Variants in NEK11 observed in about 807,000 individuals in gnomAD.
NEK11 encodes serine/threonine-protein kinase Nek11.
NEK11 carries 72 observed loss-of-function variants against 80.7 expected under a neutral mutation model. The ratio of observed to expected loss-of-function variants is 0.89; its 90% CI spans 0.74 to 1.08. The LOEUF is 1.08. NEK11 is among the 50% of genes least tolerant of loss of function. The pLI, the probability that NEK11 is intolerant of heterozygous loss-of-function variation, is 0.00. For synonymous variants in NEK11, 251 were observed against 260.7 expected (o/e 0.96, Z 0.36); for missense variants, 764 against 763.6 (o/e 1.00, Z -0.01).
intron 14 of NEK11, among the ~76,000 whole-genome samples, chr3:131,181,911 G>C (rs915426285): frequency 6.6e-6 from 1 of 150,886 alleles, no homozygotes; most frequent in South Asian, 2.1e-4. Context: ...AGTTTTTTTT[G>C]TTGAAGTGAT....
intron 3 of NEK11, among the ~76,000 whole-genome samples, chr3:131,079,847 G>A (rs529285645): frequency 1.3e-5 from 2 of 152,138 alleles, no homozygotes; most frequent in African/African-American, 2.4e-5. Context: ...ATATTAAGTC[G>A]ATATATTTGG....
intron 14 of NEK11, among the ~76,000 whole-genome samples, chr3:131,196,846 CTTT>C (rs112705042): frequency 8.0e-5 from 11 of 138,072 alleles, no homozygotes; most frequent in Admixed American, 1.4e-4. Flanking sequence ...CTTTTCTTTT[CTTT>C]TTTTTTTTTT....
At chr3:131,135,099 A>C (rs2085307778) in intron 7 of NEK11, among the ~76,000 whole-genome samples, 1 of 152,184 alleles carries the variant, frequency 6.6e-6, no homozygotes, top group South Asian at 2.1e-4. Flanking sequence ...TTCTCTGGTT[A>C]GGGAAAAGTG....
intron 14 of NEK11, among the ~76,000 whole-genome samples, chr3:131,188,240 G>A (rs2093667320): frequency 6.6e-6 from 1 of 152,102 alleles, no homozygotes; most frequent in African/African-American, 2.4e-5. Context: ...TGGCTCCTTT[G>A]TGATTAAATT....
intron 3 of NEK11, among the ~76,000 whole-genome samples, chr3:131,072,967 A>G (rs769206495): frequency 1.3e-5 from 2 of 152,098 alleles, no homozygotes; most frequent in Admixed American, 6.5e-5. Flanking sequence ...TGGCTTGGCT[A>G]TCAACTCTTT....
intron 17 of NEK11, among the ~76,000 whole-genome samples, chr3:131,332,683 A>G (rs1398099515): frequency 6.6e-6 from 1 of 152,120 alleles, no homozygotes; most frequent in Non-Finnish European, 1.5e-5. Flanking sequence ...TACAGGAGGA[A>G]ATTCAAACCA....
At position 131,168,450 on chromosome 3, in the gene NEK11, G is replaced by A. The variant is rs1463229801; in HGVS notation, c.1177-380G>A. The stretch of plus-strand genomic sequence containing the variant: ...CGGCTCACTGCAAGCTCCGCCTCCC[G>A]GGTTCACGCCATTCTCCTGCCTCAG... On this transcript the variant is annotated intron_variant, in intron 12 of 17. Coordinates refer to ENST00000383366, the MANE Select transcript of NEK11 (RefSeq NM_024800.5). Among the ~76,000 whole-genome samples, 5 of 149,484 alleles carry A rather than the reference G, an allele frequency of 3.3e-5. No homozygotes were observed. The South Asian group carries it at 8.5e-4, about 26-fold the overall frequency.
At chr3:131,085,655 A>G (rs148413532) in intron 4 of NEK11, among the ~76,000 whole-genome samples, 2 of 152,336 alleles carry the variant, frequency 1.3e-5, no homozygotes, top group Non-Finnish European at 2.9e-5. Context: ...ATGATGTGAT[A>G]AAAGGCTCAG....
At chr3:131,159,442 A>G in intron 10 of NEK11, among the ~76,000 whole-genome samples, 1 of 152,234 alleles carries the variant, frequency 6.6e-6, no homozygotes, top group Non-Finnish European at 1.5e-5. Context: ...AAAAGAATGT[A>G]ACTGACCTGA....
intron 14 of NEK11, among the ~76,000 whole-genome samples, chr3:131,225,971 G>A (rs2095180810): frequency 6.6e-6 from 1 of 152,216 alleles, no homozygotes; most frequent in Admixed American, 6.5e-5. Context: ...AAAGCCAAGG[G>A]AGTGGACAAG....
intron 3 of NEK11, among the ~76,000 whole-genome samples, chr3:131,071,446 G>A (rs1005359402): frequency 1.3e-5 from 2 of 151,178 alleles, no homozygotes; most frequent in Non-Finnish European, 2.9e-5. Flanking sequence ...TTTGATTGGC[G>A]AATCATCCAT....
At chr3:131,323,082 T>G (rs571635424) in intron 17 of NEK11, among the ~76,000 whole-genome samples, 3 of 152,168 alleles carry the variant, frequency 2.0e-5, no homozygotes, top group African/African-American at 7.2e-5. Flanking sequence ...CTAAGAAAGC[T>G]TGGCAGAATA....
intron 15 of NEK11, among the ~76,000 whole-genome samples, chr3:131,229,773 A>T (rs564822098): frequency 6.6e-6 from 1 of 152,084 alleles, no homozygotes; most frequent in Non-Finnish European, 1.5e-5. Flanking sequence ...AAAAAAAGGG[A>T]TGAGATAAAG....
intron 5 of NEK11, among the ~76,000 whole-genome samples, chr3:131,119,700 C>T (rs1392250915): frequency 6.6e-6 from 1 of 152,150 alleles, no homozygotes. Flanking sequence ...CTTCTTGTTG[C>T]ATTGATCCAT....
chr3:131,335,692 A>G (rs1242008805), intron 17 of NEK11, among the ~76,000 whole-genome samples: 1 of 152,210 alleles, frequency 6.6e-6, no homozygotes, highest in African/African-American at 2.4e-5. Flanking sequence ...CTGTTTGCAG[A>G]TGACATGATT....
chr3:131,172,358 A>G (rs1292977723), intron 14 of NEK11, among the ~76,000 whole-genome samples: 2 of 152,240 alleles, frequency 1.3e-5, no homozygotes, highest in African/African-American at 4.8e-5. Flanking sequence ...GAATTAAGGT[A>G]GTGAACCTTG....
intron 3 of NEK11, among the ~76,000 whole-genome samples, chr3:131,061,532 AGT>A (rs1288491017): frequency 3.3e-5 from 5 of 152,120 alleles, no homozygotes; most frequent in Admixed American, 3.3e-4. Context: ...TCTCAAGGAC[AGT>A]GTGTACTTTT....
rs903466064 is a variant in NEK11, at chr3:131,083,253, G to A, written c.336+2665G>A. On this transcript the variant is annotated intron_variant, in intron 4 of 17. Transcript: ENST00000383366. ...GAAGGGACAGTTCTATAAGATTTTT[G>A]TTGTTGTTGCAGAGGATCTCATCCG... is the stretch of plus-strand genomic sequence containing the variant. Among the ~76,000 whole-genome samples, 6 of 152,328 alleles carry A rather than the reference G, an allele frequency of 3.9e-5. No individual in the cohort carries two copies. In the South Asian group the frequency reaches 1.0e-3, roughly 26 times the overall value.
At chr3:131,317,765 AAGAAGG>A (rs1210143419) in intron 17 of NEK11, among the ~76,000 whole-genome samples, 3 of 33,084 alleles carry the variant, frequency 9.1e-5, no homozygotes, top group African/African-American at 1.2e-4. Flanking sequence ...CCCACCCAAG[AAGAAGG>A]AGAAGGAGGA....
Sources: allele counts gnomAD v4.1 joint callset (sites outside exome capture counted in the v4.1 genomes callset), GRCh38; gene constraint gnomAD v4.1.1; transcripts MANE v1.5; gene names NCBI Gene and HGNC (gene_info 2026-07-23, HGNC 2026-07-21).